Variants in DCAF17 observed in about 807,000 individuals in gnomAD.
DCAF17 encodes DDB1- and CUL4-associated factor 17.
DCAF17 carries 48 observed loss-of-function variants against 66.0 expected under a neutral mutation model. The observed-to-expected ratio is 0.73, with a 90% CI of 0.58 to 0.92. The LOEUF (loss-of-function observed/expected upper bound fraction) is 0.92. Ranked by LOEUF, DCAF17 falls within the 40% of genes least tolerant of loss-of-function variation. The pLI, the probability that DCAF17 is intolerant of heterozygous loss-of-function variation, is 0.00. For missense variants in DCAF17, 562 were observed against 622.8 expected, an observed-to-expected ratio of 0.90 and a Z score of 1.04; for synonymous variants, 206 against 214.6, an observed-to-expected ratio of 0.96 and a Z score of 0.35.
intron 6 of DCAF17, among the ~76,000 whole-genome samples, chr2:171,456,401 A>C (rs1417077837): frequency 6.6e-6 from 1 of 152,206 alleles, no homozygotes; most frequent in African/African-American, 2.4e-5. Flanking sequence ...TGGTTACTGT[A>C]GCCCTGTAGT....
chr2:171,481,866 T>C lies in DCAF17; in HGVS notation c.*752T>C, dbSNP rs1431054819. 2 of 454,084 alleles carry C rather than the reference T, an allele frequency of 4.4e-6. No individual in the cohort carries two copies. Among genetic ancestry groups the C allele is most frequent in the African/African-American group, 4.0e-5 (2 of 50,136 alleles). The allele number at this position is 454,084 out of a possible 1,614,324, so 28.1% of individuals were successfully genotyped here. A position where few individuals can be genotyped will look rare whatever the true frequency, so the allele number is the denominator to read the frequency against. On this transcript the variant is annotated 3_prime_UTR_variant, in exon 14 of 14. Coordinates refer to ENST00000375255, the MANE Select transcript of DCAF17 (RefSeq NM_025000.4). ...CTTAATGTATCTAAGGATGTTCTCATCTCACCATTCTACTCATTTAGTGAG... is the reference window on the plus strand; with the variant it reads ...CTTAATGTATCTAAGGATGTTCTCACCTCACCATTCTACTCATTTAGTGAG...
intron 12 of DCAF17, chr2:171,479,516 ATTTAAAAAACCAAAAGGATTTTT>A: frequency 6.3e-6 from 1 of 157,790 alleles, no homozygotes; most frequent in East Asian, 1.9e-4. Flanking sequence ...TTTTTGCTTT[ATTTAAAAAACCAAAAGGATTTTT>A]TTTTAAAGGT....
rs1336891025 is a variant in DCAF17, at chr2:171,482,940, G to A, written c.*1826G>A. On this transcript the variant is annotated 3_prime_UTR_variant, in exon 14 of 14. Coordinates refer to ENST00000375255, the MANE Select transcript of DCAF17 (RefSeq NM_025000.4). ...GCCAGGCAGGAAATATACCTCATGT[G>A]AAAGACAGTAAGGAGTTGTGGGCAG... is the stretch of plus-strand genomic sequence containing the variant. 4.4e-6 allele frequency: 2 copies of A among 454,048 alleles called. No individual in the cohort carries two copies. The highest frequency in any genetic ancestry group is 8.8e-6 in the Non-Finnish European group (2 of 226,768). The allele number at this position is 454,048 out of a possible 1,614,324, so 28.1% of individuals were successfully genotyped here. A position where few individuals can be genotyped will look rare whatever the true frequency, so the allele number is the denominator to read the frequency against.
chr2:171,457,725 G>T (rs756817915), intron 6 of DCAF17, among the ~76,000 whole-genome samples: 3 of 152,214 alleles, frequency 2.0e-5, no homozygotes, highest in Non-Finnish European at 4.4e-5. Flanking sequence ...ATGAATGCTG[G>T]TGCATTATTC....
intron 8 of DCAF17, among the ~76,000 whole-genome samples, chr2:171,460,310 G>A (rs9678164): frequency 0.21 from 28,844 of 139,722 alleles, 3,059 homozygotes; most frequent in South Asian, 0.29. Flanking sequence ...GCGATTGAGC[G>A]AGATTCCATC....
At chr2:171,480,858 A>T (rs141383439) in intron 13 of DCAF17, 116 bp from the exon 14 acceptor site, 2 of 1,301,836 alleles carry the variant, frequency 1.5e-6, no homozygotes, top group East Asian at 4.6e-5. Context: ...TCTAGCAACT[A>T]TTTTCTTCTA....
intron 6 of DCAF17, 41 bp downstream of exon 6, chr2:171,453,254 CAAT>C (rs1695058127): frequency 2.2e-6 from 3 of 1,394,050 alleles, no homozygotes; most frequent in African/African-American, 1.4e-5. Flanking sequence ...ATTTTATTGA[CAAT>C]AAGTTGTAAT....
At chr2:171,440,802 A>G (rs1694264549) in intron 2 of DCAF17, among the ~76,000 whole-genome samples, 1 of 152,128 alleles carries the variant, frequency 6.6e-6, no homozygotes, top group African/African-American at 2.4e-5. Context: ...AATTGTCAGT[A>G]TCCACCTTTC....
At chr2:171,451,441 T>C (rs1694947740) in intron 5 of DCAF17, among the ~76,000 whole-genome samples, 1 of 152,206 alleles carries the variant, frequency 6.6e-6, no homozygotes, top group Non-Finnish European at 1.5e-5. Context: ...ACCTTGCTTT[T>C]ACTTTGGTAA....
intron 6 of DCAF17, among the ~76,000 whole-genome samples, chr2:171,453,815 A>C (rs935564318): frequency 6.6e-6 from 1 of 152,158 alleles, no homozygotes; most frequent in African/African-American, 2.4e-5. Flanking sequence ...GAGCTCTCCT[A>C]CTGGTCTTTA....
intron 13 of DCAF17, 92 bp downstream of exon 13, chr2:171,480,285 G>A: frequency 6.8e-7 from 1 of 1,479,542 alleles, no homozygotes; most frequent in Non-Finnish European, 9.2e-7. Flanking sequence ...TGTCAGTCCA[G>A]ACTCACCTAT....
In DCAF17 at chr2:171,449,973, C is replaced by T. The variant is rs142462938; in HGVS notation, c.537+16C>T. 7.5e-4 allele frequency: 1,197 copies of T among 1,599,118 alleles called. 16 individuals carry two copies. The East Asian group carries it at 0.022, about 30-fold the overall frequency. On this transcript the variant is annotated intron_variant, in intron 5 of 13. Coordinates refer to ENST00000375255, the MANE Select transcript of DCAF17 (RefSeq NM_025000.4). ...GGCCCGGCAGGTATACATATTTAAA[C>T]ATTCAATAAAATGAAGACTCTTTTT...
chr2:171,437,159 G>T (rs1406479468), intron 2 of DCAF17, among the ~76,000 whole-genome samples: 1 of 152,058 alleles, frequency 6.6e-6, no homozygotes, highest in African/African-American at 2.4e-5. Flanking sequence ...AGAATCCATT[G>T]CAAAATTTGA....
chr2:171,481,610 C>A lies in DCAF17; in HGVS notation c.*496C>A, dbSNP rs1474879603. 2.2e-6 allele frequency: 1 copy of A among 453,918 alleles called. No homozygotes were observed. Among genetic ancestry groups the A allele is most frequent in the South Asian group, 1.6e-5 (1 of 64,448 alleles). The allele number at this position is 453,918 out of a possible 1,614,324, so 28.1% of individuals were successfully genotyped here. Reference sequence around the variant, plus strand: ...TTATGTGAGAACATTATTTTGAGCCCAAAATGTGTCATCACAGTTTTTAAA... The same window carrying A: ...TTATGTGAGAACATTATTTTGAGCCAAAAATGTGTCATCACAGTTTTTAAA... On this transcript the variant is annotated 3_prime_UTR_variant, in exon 14 of 14. Transcript: ENST00000375255.
At chr2:171,444,768 C>T (rs1232814655) in intron 3 of DCAF17, among the ~76,000 whole-genome samples, 1 of 152,062 alleles carries the variant, frequency 6.6e-6, no homozygotes, top group Non-Finnish European at 1.5e-5. Flanking sequence ...TAATATGTGA[C>T]CAAAAATAAT....
At chr2:171,476,339 T>C (rs1472469468) in intron 10 of DCAF17, among the ~76,000 whole-genome samples, 1 of 152,208 alleles carries the variant, frequency 6.6e-6, no homozygotes, top group Admixed American at 6.5e-5. Flanking sequence ...GAAAAAAGAA[T>C]AGTATTTTCA....
At chr2:171,464,519 A>G (rs1398469033) in intron 8 of DCAF17, among the ~76,000 whole-genome samples, 2 of 152,120 alleles carry the variant, frequency 1.3e-5, no homozygotes, top group African/African-American at 4.8e-5. Context: ...TTTAGGTCCT[A>G]TCCTTATCCA....
intron 10 of DCAF17, 43 bp from the exon 11 acceptor site, chr2:171,476,817 G>A: frequency 1.4e-6 from 2 of 1,473,442 alleles, no homozygotes; most frequent in East Asian, 2.3e-5. Context: ...CCTTGATGGT[G>A]TTTTGAAGTC....
chr2:171,484,932 A>C lies in DCAF17; in HGVS notation c.*3818A>C, dbSNP rs1308345742. ...AGTGATTCATTTCTTTTTATTGCTG[A>C]GTATTCTTTCGTATGAATATATCAC... On this transcript the variant is annotated 3_prime_UTR_variant, in exon 14 of 14. Coordinates refer to ENST00000375255, the MANE Select transcript of DCAF17 (RefSeq NM_025000.4). 2 of 453,854 alleles carry C rather than the reference A, an allele frequency of 4.4e-6. No individual in the cohort carries two copies. The highest frequency in any genetic ancestry group is 4.0e-5 in the African/African-American group (2 of 49,970). The allele number at this position is 453,854 out of a possible 1,614,324, so 28.1% of individuals were successfully genotyped here.
Sources: allele counts gnomAD v4.1 joint callset (sites outside exome capture counted in the v4.1 genomes callset), GRCh38; gene constraint gnomAD v4.1.1; transcripts MANE v1.5; gene names NCBI Gene and HGNC (gene_info 2026-07-23, HGNC 2026-07-21).